Variants in BMPR1A observed in about 807,000 individuals in gnomAD.
BMPR1A encodes the protein bone morphogenetic protein receptor type 1A.
A neutral mutation model predicts 66.0 loss-of-function variants in BMPR1A; 7 were observed. The ratio of observed to expected loss-of-function variants is 0.11; its 90% CI spans 0.06 to 0.20. BMPR1A has a LOEUF of 0.20. BMPR1A is among the 10% of genes least tolerant of loss of function. BMPR1A has a pLI of 1.00. For synonymous variants in BMPR1A, 200 were observed against 229.7 expected, an observed-to-expected ratio of 0.87 and a Z score of 1.17; for missense variants, 408 against 669.1, an observed-to-expected ratio of 0.61 and a Z score of 4.31.
At chr10:86,793,393 C>T (rs538875615) in intron 1 of BMPR1A, among the ~76,000 whole-genome samples, 5 of 142,096 alleles carry the variant, frequency 3.5e-5, no homozygotes, top group African/African-American at 5.3e-5. Context: ...GATGGAGTTT[C>T]GCTGTTGTTG....
chr10:86,835,192 G>A (rs2133087933), intron 1 of BMPR1A, among the ~76,000 whole-genome samples: 1 of 150,162 alleles, frequency 6.7e-6, no homozygotes, highest in East Asian at 2.0e-4. Flanking sequence ...CCATGACCGT[G>A]CCACTGCACT....
intron 1 of BMPR1A, among the ~76,000 whole-genome samples, chr10:86,813,746 C>G (rs1049029580): frequency 6.6e-6 from 1 of 152,134 alleles, no homozygotes. Flanking sequence ...TGTTCCTCTT[C>G]GTCCCTGTGT....
chr10:86,855,246 A>T (rs577523678), intron 2 of BMPR1A: 94 of 1,074,394 alleles, frequency 8.7e-5, no homozygotes, highest in Admixed American at 2.0e-4. Flanking sequence ...TTTCAGACAC[A>T]CAGAAGCATA....
intron 1 of BMPR1A, among the ~76,000 whole-genome samples, chr10:86,760,240 C>CTTTT (rs1841025806): frequency 2.9e-4 from 5 of 17,492 alleles, no homozygotes; most frequent in Non-Finnish European, 4.1e-4. Flanking sequence ...TTCTTTCTTT[C>CTTTT]TTTCTTTCTT....
chr10:86,859,046 A>G (rs1356907206), intron 2 of BMPR1A, among the ~76,000 whole-genome samples: 1 of 152,238 alleles, frequency 6.6e-6, no homozygotes, highest in African/African-American at 2.4e-5. Flanking sequence ...TAGTAACTGA[A>G]ACAGCATGGT....
At chr10:86,774,090 A>C (rs1841308220) in intron 1 of BMPR1A, among the ~76,000 whole-genome samples, 1 of 152,012 alleles carries the variant, frequency 6.6e-6, no homozygotes, top group East Asian at 1.9e-4. Context: ...ACCTCAGATG[A>C]TCGCCCGCCT....
At chr10:86,768,967 T>C (rs1311665573) in intron 1 of BMPR1A, among the ~76,000 whole-genome samples, 1 of 152,236 alleles carries the variant, frequency 6.6e-6, no homozygotes, top group Non-Finnish European at 1.5e-5. Context: ...TTAGTGAAGA[T>C]GAGTATTTCT....
chr10:86,777,071 A>G (rs1438509251), intron 1 of BMPR1A, among the ~76,000 whole-genome samples: 1 of 151,926 alleles, frequency 6.6e-6, no homozygotes, highest in Non-Finnish European at 1.5e-5. Context: ...ACTGTTCCTC[A>G]CCATACTCTC....
At chr10:86,830,523 T>G (rs1039340832) in intron 1 of BMPR1A, among the ~76,000 whole-genome samples, 1 of 152,222 alleles carries the variant, frequency 6.6e-6, no homozygotes, top group African/African-American at 2.4e-5. Flanking sequence ...TTTTTTTATT[T>G]TAGCTGTGCC....
intron 2 of BMPR1A, among the ~76,000 whole-genome samples, chr10:86,865,125 T>C (rs982573736): frequency 2.6e-5 from 4 of 152,166 alleles, no homozygotes; most frequent in Non-Finnish European, 4.4e-5. Flanking sequence ...TGGCCTGAAG[T>C]AACTGAAGAA....
At chr10:86,768,977 T>C (rs1401043261) in intron 1 of BMPR1A, among the ~76,000 whole-genome samples, 2 of 152,256 alleles carry the variant, frequency 1.3e-5, no homozygotes, top group African/African-American at 2.4e-5. Flanking sequence ...TGAGTATTTC[T>C]GAGAGAAATA....
At chr10:86,847,509 T>G (rs1842503810) in intron 2 of BMPR1A, among the ~76,000 whole-genome samples, 2 of 152,074 alleles carry the variant, frequency 1.3e-5, no homozygotes, top group South Asian at 4.2e-4. Flanking sequence ...TTGTTTTTCT[T>G]TTTCCTCATT....
At chr10:86,858,826 T>C (rs1842677979) in intron 2 of BMPR1A, among the ~76,000 whole-genome samples, 1 of 152,114 alleles carries the variant, frequency 6.6e-6, no homozygotes. Flanking sequence ...GAAGAATTAA[T>C]ACTGTGAAAA....
intron 2 of BMPR1A, among the ~76,000 whole-genome samples, chr10:86,845,249 G>A (rs998520365): frequency 6.6e-6 from 1 of 152,210 alleles, no homozygotes; most frequent in African/African-American, 2.4e-5. Flanking sequence ...AGAAGGGAGT[G>A]AAGTTTCATT....
At chr10:86,778,456 T>C (rs1841387322) in intron 1 of BMPR1A, among the ~76,000 whole-genome samples, 2 of 152,018 alleles carry the variant, frequency 1.3e-5, no homozygotes, top group African/African-American at 4.8e-5. Flanking sequence ...CGCTAGTGTA[T>C]TTTATGTGTG....
At chr10:86,803,201 A>G (rs1049346330) in intron 1 of BMPR1A, among the ~76,000 whole-genome samples, 2 of 152,166 alleles carry the variant, frequency 1.3e-5, no homozygotes, top group African/African-American at 4.8e-5. Context: ...TAATGTCACA[A>G]GCTTACCAAG....
chr10:86,842,443 G>C (rs994528687), intron 2 of BMPR1A, among the ~76,000 whole-genome samples: 1 of 152,156 alleles, frequency 6.6e-6, no homozygotes, highest in African/African-American at 2.4e-5. Context: ...ACAGAAGATA[G>C]AATAATTTTT....
chr10:86,770,209 T>G (rs1474844580), intron 1 of BMPR1A, among the ~76,000 whole-genome samples: 1 of 152,192 alleles, frequency 6.6e-6, no homozygotes, highest in Non-Finnish European at 1.5e-5. Flanking sequence ...CAGATTGGCT[T>G]GAGCCCAGGA....
At chr10:86,892,366 T>G (rs1465252704) in intron 5 of BMPR1A, 137 bp downstream of exon 5, 1 of 683,354 alleles carries the variant, frequency 1.5e-6, no homozygotes, top group African/African-American at 1.8e-5. Flanking sequence ...GAATACCTAC[T>G]GTCTAGATTC....
Sources: allele counts gnomAD v4.1 joint callset (sites outside exome capture counted in the v4.1 genomes callset), GRCh38; gene constraint gnomAD v4.1.1; transcripts MANE v1.5; gene names NCBI Gene and HGNC (gene_info 2026-07-23, HGNC 2026-07-21).